Variants in ELAPOR2 observed in about 807,000 individuals in gnomAD.
The protein encoded by ELAPOR2 is endosome-lysosome associated apoptosis and autophagy regulator family member 2, also known as endosome/lysosome-associated apoptosis and autophagy regulator family member 2.
ELAPOR2 carries 89 observed loss-of-function variants against 120.7 expected under a neutral mutation model. The observed-to-expected ratio is 0.74, with a 90% CI of 0.62 to 0.88. ELAPOR2 has a LOEUF of 0.88. Among genes scored for constraint, ELAPOR2 ranks in the 40% least tolerant of loss-of-function variants. ELAPOR2 has a pLI of 0.00. For synonymous variants in ELAPOR2, 444 were observed against 444.9 expected, an observed-to-expected ratio of 1.00 and a Z score of 0.03; for missense variants, 1,134 against 1,251.6, an observed-to-expected ratio of 0.91 and a Z score of 1.42.
chr7:86,910,091 G>GAGGAGAGAGCCACT, intron 15 of ELAPOR2, 90 bp from the exon 16 acceptor site: 3 of 938,096 alleles, frequency 3.2e-6, no homozygotes, highest in African/African-American at 1.7e-5. Flanking sequence ...GAAGAGCAGT[G>GAGGAGAGAGCCACT]GCTCTCTCCT....
intron 8 of ELAPOR2, among the ~76,000 whole-genome samples, chr7:86,935,135 A>C (rs1790509270): frequency 6.6e-6 from 1 of 152,058 alleles, no homozygotes; most frequent in South Asian, 2.1e-4. Context: ...ATCACATTGC[A>C]TCACTCTGAT....
chr7:86,933,933 A>T (rs1314190581), intron 8 of ELAPOR2, among the ~76,000 whole-genome samples: 1 of 152,020 alleles, frequency 6.6e-6, no homozygotes, highest in African/African-American at 2.4e-5. Flanking sequence ...AACATCAAAC[A>T]CTGAATTTGT....
intron 2 of ELAPOR2, among the ~76,000 whole-genome samples, chr7:86,956,479 T>G (rs1791477010): frequency 6.6e-6 from 1 of 152,190 alleles, no homozygotes; most frequent in African/African-American, 2.4e-5. Context: ...CCCTATCAAG[T>G]GGAACTGTAT....
At chr7:86,939,964 T>A (rs754175785) in intron 6 of ELAPOR2, 46 bp downstream of exon 6, 1 of 1,190,258 alleles carries the variant, frequency 8.4e-7, no homozygotes, top group East Asian at 2.4e-5. Context: ...TTTAACTAAC[T>A]GTAAGATGTG....
intron 1 of ELAPOR2, among the ~76,000 whole-genome samples, chr7:86,984,055 A>G (rs1226141373): frequency 6.6e-6 from 1 of 152,220 alleles, no homozygotes; most frequent in African/African-American, 2.4e-5. Context: ...GGTCTCTGAT[A>G]AAACAGAGTT....
chr7:86,927,080 T>G (rs112656090), intron 8 of ELAPOR2, among the ~76,000 whole-genome samples, 164 bp from the exon 9 acceptor site: 2,001 of 152,008 alleles, frequency 0.013, 30 homozygotes, highest in African/African-American at 0.039. Context: ...GAGAGAACAT[T>G]GGTGGGGAAA....
intron 8 of ELAPOR2, among the ~76,000 whole-genome samples, chr7:86,935,694 G>A (rs971553021): frequency 6.6e-6 from 1 of 151,526 alleles, no homozygotes; most frequent in African/African-American, 2.4e-5. Context: ...GAACACTAAT[G>A]TTTGACAGCC....
At chr7:87,034,426 G>T (rs1034108913) in intron 1 of ELAPOR2, among the ~76,000 whole-genome samples, 2 of 151,524 alleles carry the variant, frequency 1.3e-5, no homozygotes, top group Admixed American at 6.6e-5. Context: ...TTTTATTGCT[G>T]CATTTTTCTG....
chr7:86,912,678 C>A (rs771323963), intron 14 of ELAPOR2, among the ~76,000 whole-genome samples: 2 of 152,106 alleles, frequency 1.3e-5, no homozygotes, highest in Non-Finnish European at 2.9e-5. Context: ...AAACAATACA[C>A]AAGAAATCAG....
chr7:87,053,493 A>C (rs937175111), intron 1 of ELAPOR2, among the ~76,000 whole-genome samples: 1 of 152,132 alleles, frequency 6.6e-6, no homozygotes, highest in African/African-American at 2.4e-5. Context: ...CCCTTTTTCC[A>C]GGTAAATGCA....
intron 1 of ELAPOR2, among the ~76,000 whole-genome samples, chr7:87,049,013 A>G (rs1385146276): frequency 2.6e-5 from 4 of 152,220 alleles, no homozygotes; most frequent in Non-Finnish European, 5.9e-5. Context: ...CAGAAAATTT[A>G]AAACAGCCTA....
intron 1 of ELAPOR2, among the ~76,000 whole-genome samples, chr7:87,029,795 A>G (rs952788567): frequency 2.0e-5 from 3 of 152,186 alleles, no homozygotes; most frequent in Non-Finnish European, 4.4e-5. Flanking sequence ...CAAAAAGACA[A>G]AAAGCAAAAA....
At chr7:86,883,321 A>G (rs10236047) in intron 21 of ELAPOR2, among the ~76,000 whole-genome samples, 15,018 of 152,236 alleles carry the variant, frequency 0.099, 738 homozygotes, top group Middle Eastern at 0.13. Context: ...TAGAACATAA[A>G]TGAGCATATC....
intron 10 of ELAPOR2, among the ~76,000 whole-genome samples, chr7:86,922,677 A>G (rs1011387553): frequency 1.3e-5 from 2 of 151,968 alleles, no homozygotes; most frequent in African/African-American, 4.8e-5. Flanking sequence ...TATAATTTGC[A>G]TAATTCACCA....
intron 1 of ELAPOR2, among the ~76,000 whole-genome samples, chr7:87,042,396 A>C (rs926784796): frequency 6.6e-6 from 1 of 151,196 alleles, no homozygotes; most frequent in African/African-American, 2.5e-5. Context: ...AAGAACAGAA[A>C]TTATAACAAA....
At chr7:87,006,350 T>C (rs974277756) in intron 1 of ELAPOR2, among the ~76,000 whole-genome samples, 1 of 150,144 alleles carries the variant, frequency 6.7e-6, no homozygotes, top group Non-Finnish European at 1.5e-5. Context: ...TCCACTAGAA[T>C]TGTCACAATA....
At chr7:86,956,575 C>A (rs934157679) in intron 2 of ELAPOR2, among the ~76,000 whole-genome samples, 1 of 152,158 alleles carries the variant, frequency 6.6e-6, no homozygotes, top group Admixed American at 6.5e-5. Context: ...AAAACTGATA[C>A]GTGTGACACC....
chr7:86,974,813 A>G (rs1401450094), intron 1 of ELAPOR2, among the ~76,000 whole-genome samples: 1 of 152,110 alleles, frequency 6.6e-6, no homozygotes, highest in Non-Finnish European at 1.5e-5. Flanking sequence ...TCCTTACTTT[A>G]GGATATCTGG....
chr7:86,945,121 A>C, intron 3 of ELAPOR2, 75 bp from the exon 4 acceptor site: 13 of 1,334,148 alleles, frequency 9.7e-6, no homozygotes, highest in Non-Finnish European at 1.3e-5. Context: ...TATGTAACTC[A>C]GATTCACGAG....
Sources: gnomAD v4.1 joint callset for allele counts (sites outside exome capture counted in the v4.1 genomes callset) on GRCh38, gnomAD v4.1.1 for gene constraint, MANE v1.5 for transcripts, NCBI Gene and HGNC (gene_info 2026-07-23, HGNC 2026-07-21) for gene names.